The following STAU2 variants were observed in gnomAD, a reference collection of about 807,000 sequenced individuals.
The protein encoded by STAU2 is double-stranded RNA-binding protein Staufen homolog 2.
In STAU2, 20 loss-of-function variants were observed where a neutral mutation model predicts 65.9. That is an observed-to-expected ratio of 0.30 (90% CI 0.21 to 0.44). The LOEUF (loss-of-function observed/expected upper bound fraction) is 0.44, where lower values mean the gene tolerates loss of function less well. STAU2 is among the 20% of genes least tolerant of loss of function. STAU2 has a pLI of 1.00. For synonymous variants in STAU2, 232 were observed against 233.9 expected, an observed-to-expected ratio of 0.99 and a Z score of 0.07; for missense variants, 558 against 683.9, an observed-to-expected ratio of 0.82 and a Z score of 2.05.
At chr8:73,591,882 T>TTAA (rs1810806186) in intron 11 of STAU2, among the ~76,000 whole-genome samples, 1 of 28,462 alleles carries the variant, frequency 3.5e-5, no homozygotes, top group Non-Finnish European at 6.5e-5. Context: ...ATCCCAGAGG[T>TTAA]AAAAAAAAAA....
At chr8:73,443,769 G>A (rs1173874712) in intron 13 of STAU2, among the ~76,000 whole-genome samples, 3 of 151,944 alleles carry the variant, frequency 2.0e-5, no homozygotes, top group Non-Finnish European at 4.4e-5. Context: ...GATTGTTTGA[G>A]CCCAGGAGTT....
intron 11 of STAU2, among the ~76,000 whole-genome samples, chr8:73,583,102 T>C (rs1163844500): frequency 1.3e-5 from 2 of 152,246 alleles, no homozygotes; most frequent in East Asian, 3.9e-4. Context: ...ATTCAATATA[T>C]GTATTATTAG....
chr8:73,672,024 C>CA (rs1008428798), intron 6 of STAU2, among the ~76,000 whole-genome samples: 12 of 145,408 alleles, frequency 8.3e-5, no homozygotes, highest in Non-Finnish European at 1.5e-4. Context: ...GACTGCGTCT[C>CA]AAAAAAAAAG....
chr8:73,577,350 C>G (rs1054867885), intron 12 of STAU2, among the ~76,000 whole-genome samples: 1 of 151,542 alleles, frequency 6.6e-6, no homozygotes, highest in Non-Finnish European at 1.5e-5. Context: ...GGGCATGAAC[C>G]CGGGAGGCGA....
intron 3 of STAU2, among the ~76,000 whole-genome samples, chr8:73,729,582 G>GTT (rs1805902227): frequency 6.6e-6 from 1 of 151,976 alleles, no homozygotes; most frequent in Admixed American, 6.6e-5. Context: ...CTGATTGGGA[G>GTT]TTTTTGTTTT....
At chr8:73,530,671 A>G (rs1585942856) in intron 13 of STAU2, among the ~76,000 whole-genome samples, 1 of 152,190 alleles carries the variant, frequency 6.6e-6, no homozygotes, top group Non-Finnish European at 1.5e-5. Context: ...GCACATGAAA[A>G]TACAGAAATT....
intron 10 of STAU2, among the ~76,000 whole-genome samples, chr8:73,599,700 G>C (rs1811484102): frequency 6.6e-6 from 1 of 151,964 alleles, no homozygotes; most frequent in South Asian, 2.1e-4. Context: ...ATCCACACTT[G>C]AGTACTGTTC....
chr8:73,666,618 C>A (rs1317104107), intron 6 of STAU2, among the ~76,000 whole-genome samples: 2 of 152,182 alleles, frequency 1.3e-5, no homozygotes, highest in Non-Finnish European at 2.9e-5. Context: ...ACCAACCTAG[C>A]TATAAGAGAT....
At position 73,513,820 on chromosome 8, in the gene STAU2, G is replaced by T. The variant is rs371168650; in HGVS notation, c.1530+38192C>A. On this transcript the variant is annotated intron_variant, in intron 13 of 14. Transcript: ENST00000524300. ...TCACATTCCATTTCATATCAAGGAAGGCCACTCCATCAGTGAAACTGATGG... is the reference window on the plus strand; with the variant it reads ...TCACATTCCATTTCATATCAAGGAATGCCACTCCATCAGTGAAACTGATGG... 6.0e-4 allele frequency among the ~76,000 whole-genome samples: 91 copies of T among 152,176 alleles called. 1 individual carries two copies. The South Asian group carries it at 0.018, about 31-fold the overall frequency.
At chr8:73,651,192 C>A in intron 6 of STAU2, 1 of 998,664 alleles carries the variant, frequency 1.0e-6, no homozygotes, top group Non-Finnish European at 1.5e-6. Flanking sequence ...CCCCTCAGGC[C>A]GTCAGCATCA....
At chr8:73,659,098 C>G (rs959878119) in intron 6 of STAU2, among the ~76,000 whole-genome samples, 3 of 151,926 alleles carry the variant, frequency 2.0e-5, no homozygotes, top group African/African-American at 7.3e-5. Context: ...TTTTTTGATT[C>G]ATAAAGGAAC....
intron 6 of STAU2, among the ~76,000 whole-genome samples, chr8:73,624,852 C>T (rs763662901): frequency 3.9e-5 from 6 of 152,186 alleles, no homozygotes; most frequent in Non-Finnish European, 8.8e-5. Context: ...AAGTCAGGTG[C>T]AGGATATCAG....
chr8:73,577,279 T>G (rs1809635754), intron 12 of STAU2, among the ~76,000 whole-genome samples: 1 of 151,782 alleles, frequency 6.6e-6, no homozygotes, highest in African/African-American at 2.4e-5. Flanking sequence ...ATACAAAAAA[T>G]TAGCCGGGCG....
chr8:73,643,213 A>T (rs756369643), intron 6 of STAU2, among the ~76,000 whole-genome samples: 1 of 152,220 alleles, frequency 6.6e-6, no homozygotes, highest in Non-Finnish European at 1.5e-5. Context: ...CTAAATTTAG[A>T]ATAGACATGA....
intron 3 of STAU2, among the ~76,000 whole-genome samples, chr8:73,733,378 T>C (rs1806205720): frequency 6.6e-6 from 1 of 152,202 alleles, no homozygotes; most frequent in African/African-American, 2.4e-5. Context: ...GCTACTCATT[T>C]AAAAATATTA....
rs923762857 is a variant in STAU2, at chr8:73,581,829, C to T, written c.1222+941G>A. 3.3e-5 allele frequency among the ~76,000 whole-genome samples: 5 copies of T among 152,090 alleles called. No individual in the cohort carries two copies. In the East Asian group the frequency reaches 7.7e-4, roughly 23 times the overall value. ...CAAGAATTCAATTCTTATGAGCATA[C>T]TTTGATAAGAATTTGTTACTAATTT... is the stretch of plus-strand genomic sequence containing the variant. On this transcript the variant is annotated intron_variant, in intron 12 of 14. Transcript: ENST00000524300.
intron 6 of STAU2, among the ~76,000 whole-genome samples, chr8:73,638,261 C>T (rs1486510129): frequency 4.6e-5 from 7 of 151,530 alleles, no homozygotes; most frequent in Non-Finnish European, 7.4e-5. Flanking sequence ...AAAGTAAAGG[C>T]TCTGAGAACT....
chr8:73,505,989 C>T (rs1166273179), intron 13 of STAU2, among the ~76,000 whole-genome samples: 1 of 152,126 alleles, frequency 6.6e-6, no homozygotes, highest in Non-Finnish European at 1.5e-5. Flanking sequence ...CGCCTGCTCC[C>T]ACTTAGCCTT....
chr8:73,674,263 G>T (rs973514451), intron 5 of STAU2, among the ~76,000 whole-genome samples: 2 of 151,592 alleles, frequency 1.3e-5, no homozygotes, highest in African/African-American at 4.8e-5. Context: ...AAGGGGTGGG[G>T]GAGCAATCTC....
Sources: allele counts gnomAD v4.1 joint callset (sites outside exome capture counted in the v4.1 genomes callset), GRCh38; gene constraint gnomAD v4.1.1; transcripts MANE v1.5; gene names NCBI Gene and HGNC (gene_info 2026-07-23, HGNC 2026-07-21).